KIAA0586: variants seen among roughly 807,000 people sequenced by gnomAD.
The protein encoded by KIAA0586 is protein TALPID3.
KIAA0586 carries 144 observed loss-of-function variants against 169.8 expected under a neutral mutation model. The ratio of observed to expected loss-of-function variants is 0.85; its 90% CI spans 0.74 to 0.97. KIAA0586 has a LOEUF of 0.97. Among genes scored for constraint, KIAA0586 ranks in the 50% least tolerant of loss-of-function variants. The pLI, the probability that KIAA0586 is intolerant of heterozygous loss-of-function variation, is 0.00. For missense variants in KIAA0586, 1,854 were observed against 1,823.0 expected (o/e 1.02, Z -0.31); for synonymous variants, 625 against 612.4 (o/e 1.02, Z -0.30).
In KIAA0586 at chr14:58,533,322, G is replaced by A. The variant is rs529491181; in HGVS notation, c.4430-6749G>A. 2.0e-5 allele frequency among the ~76,000 whole-genome samples: 3 copies of A among 152,198 alleles called. No individual in the cohort carries two copies. In the East Asian group the frequency reaches 5.8e-4, roughly 29 times the overall value. On this transcript the variant is annotated intron_variant, in intron 29 of 30. Coordinates refer to ENST00000652326, the MANE Select transcript of KIAA0586 (RefSeq NM_001329943.3). ...AAGCAGCATAAAATTAGTTTCTATT[G>A]GTGTCACAAAAGAAATGAAATATTT...
At chr14:58,446,436 G>T (rs1189470611) in intron 6 of KIAA0586, among the ~76,000 whole-genome samples, 1 of 151,978 alleles carries the variant, frequency 6.6e-6, no homozygotes, top group African/African-American at 2.4e-5. Context: ...GGCAGAGGTT[G>T]CAGTGAGTTG....
the KIAA0586 span, among the ~76,000 whole-genome samples, chr14:58,559,658 T>C: frequency 5.3e-4 from 81 of 152,254 alleles, no homozygotes; most frequent in Admixed American, 2.9e-3. Context: ...CACCAATCTT[T>C]CCACCACTGG....
chr14:58,462,747 A>G (rs1056417829), intron 14 of KIAA0586, among the ~76,000 whole-genome samples: 2 of 152,218 alleles, frequency 1.3e-5, no homozygotes, highest in Non-Finnish European at 2.9e-5. Context: ...AGTAATCTAT[A>G]AAGACAAGAA....
intron 4 of KIAA0586, 114 bp downstream of exon 4, chr14:58,432,571 G>A: frequency 1.7e-6 from 1 of 581,850 alleles, no homozygotes. Context: ...TGTGTGATAT[G>A]TATAAAGCAT....
At chr14:58,527,116 T>C (rs752706726) in intron 29 of KIAA0586, among the ~76,000 whole-genome samples, 7 of 151,742 alleles carry the variant, frequency 4.6e-5, no homozygotes, top group Admixed American at 1.3e-4. Context: ...AGATTGAAGA[T>C]CAACTTAAAG....
intron 20 of KIAA0586, among the ~76,000 whole-genome samples, chr14:58,481,506 C>T (rs2042027370): frequency 1.3e-5 from 2 of 152,100 alleles, no homozygotes; most frequent in African/African-American, 2.4e-5. Flanking sequence ...ATATTTAGTG[C>T]ATTCTTTTGT....
intron 3 of KIAA0586, among the ~76,000 whole-genome samples, chr14:58,430,991 T>G (rs1008295419): frequency 6.6e-6 from 1 of 152,246 alleles, no homozygotes; most frequent in Non-Finnish European, 1.5e-5. Context: ...TCATATAGTA[T>G]TTGACCTTTT....
At chr14:58,470,946 G>C (rs1286339142) in intron 17 of KIAA0586, among the ~76,000 whole-genome samples, 4 of 151,978 alleles carry the variant, frequency 2.6e-5, no homozygotes, top group African/African-American at 9.7e-5. Context: ...CCGCCTCCCG[G>C]GTTCAACCAA....
At chr14:58,545,983 A>G (rs2046955762) in intron 30 of KIAA0586, among the ~76,000 whole-genome samples, 1 of 152,116 alleles carries the variant, frequency 6.6e-6, no homozygotes, top group African/African-American at 2.4e-5. Flanking sequence ...GCAGTGAGCC[A>G]TGATCATGCC....
Position 58,482,538 on chromosome 14 carries a change from C to G in KIAA0586, c.2970C>G (p.Leu990=). 17 of 1,551,504 alleles carry G rather than the reference C, an allele frequency of 1.1e-5. No homozygotes were observed. The highest frequency in any genetic ancestry group is 1.5e-5 in the Non-Finnish European group (17 of 1,146,018). ...TGGAAGGAACAAGCAGTGGCGCCCT[C>G]CAGCTTTTTGTTGATGCTGGTGTTC... ...DIVEGTSSGA[L]QLFVDAGVPV... Residue 990 remains leucine (L), a synonymous_variant, in exon 21 of 31, where the codon CTC becomes CTG. Transcript: ENST00000652326.
At chr14:58,537,456 G>A (rs1196557850) in intron 29 of KIAA0586, among the ~76,000 whole-genome samples, 1 of 152,106 alleles carries the variant, frequency 6.6e-6, no homozygotes, top group Admixed American at 6.6e-5. Flanking sequence ...CAATGGAAGG[G>A]ATCTCTGAGG....
At chr14:58,474,128 T>C (rs1011209174) in intron 18 of KIAA0586, among the ~76,000 whole-genome samples, 1 of 152,124 alleles carries the variant, frequency 6.6e-6, no homozygotes, top group South Asian at 2.1e-4. Context: ...AACTAACTTA[T>C]TACCATGGGG....
chr14:58,440,049 ATTTTT>A, intron 4 of KIAA0586: 1 of 163,948 alleles, frequency 6.1e-6, no homozygotes, highest in Non-Finnish European at 1.2e-5. Context: ...TTAATTTTTA[ATTTTT>A]TTTTTTTTTT....
At chr14:58,501,412 T>G (rs2043561194) in intron 27 of KIAA0586, among the ~76,000 whole-genome samples, 1 of 152,242 alleles carries the variant, frequency 6.6e-6, no homozygotes, top group Admixed American at 6.5e-5. Context: ...GAGTTAACAC[T>G]AGGTGGCTCT....
At chr14:58,531,411 TA>T (rs1159480142) in intron 29 of KIAA0586, among the ~76,000 whole-genome samples, 7 of 151,996 alleles carry the variant, frequency 4.6e-5, no homozygotes, top group African/African-American at 1.7e-4. Flanking sequence ...CGAAGACATT[TA>T]TGTGGCCAAC....
intron 26 of KIAA0586, among the ~76,000 whole-genome samples, chr14:58,495,831 G>A (rs2043126252): frequency 6.6e-6 from 1 of 151,898 alleles, no homozygotes; most frequent in African/African-American, 2.4e-5. Context: ...TTGTACTCAT[G>A]AGAAATTATT....
At chr14:58,521,293 A>G in intron 29 of KIAA0586, 1 of 1,144,146 alleles carries the variant, frequency 8.7e-7, no homozygotes, top group Non-Finnish European at 1.3e-6. Context: ...GGGAATCTCA[A>G]CACTCTTGTG....
At chr14:58,469,025 C>T (rs2040994190) in intron 16 of KIAA0586, among the ~76,000 whole-genome samples, 1 of 152,104 alleles carries the variant, frequency 6.6e-6, no homozygotes, top group Non-Finnish European at 1.5e-5. Flanking sequence ...AGTCAACAGG[C>T]TCTTAGTACT....
intron 30 of KIAA0586, 78 bp downstream of exon 30, chr14:58,540,214 A>T: frequency 2.5e-6 from 2 of 784,758 alleles, no homozygotes; most frequent in Non-Finnish European, 4.2e-6. Context: ...TTTCTCTCAT[A>T]ATAATCAACA....
Sources: gnomAD v4.1 joint callset for allele counts (sites outside exome capture counted in the v4.1 genomes callset) on GRCh38, gnomAD v4.1.1 for gene constraint, MANE v1.5 for transcripts, NCBI Gene and HGNC (gene_info 2026-07-23, HGNC 2026-07-21) for gene names.